Variants in PSTPIP1 observed in about 807,000 individuals in gnomAD.
PSTPIP1 encodes proline-serine-threonine phosphatase interacting protein 1, also known as proline-serine-threonine phosphatase-interacting protein 1.
A neutral mutation model predicts 69.6 loss-of-function variants in PSTPIP1; 66 were observed. The ratio of observed to expected loss-of-function variants is 0.95; its 90% CI spans 0.78 to 1.16. PSTPIP1 has a LOEUF of 1.16. Among genes scored for constraint, PSTPIP1 ranks in the 50% most tolerant of loss-of-function variants. PSTPIP1 has a pLI of 0.00. For missense variants in PSTPIP1, 603 were observed against 557.4 expected (o/e 1.08, Z -0.82); for synonymous variants, 266 against 222.7 (o/e 1.19, Z -1.73).
At chr15:77,025,669 G>A (rs1388367914) in intron 5 of PSTPIP1, 65 bp downstream of exon 5, 2 of 1,304,882 alleles carry the variant, frequency 1.5e-6, no homozygotes. Flanking sequence ...TGCTGTGGGG[G>A]TAGGGGGCTG....
At chr15:76,994,762 GT>G (rs2075537915), upstream of PSTPIP1, 1 of 1,289,140 alleles carries the variant, frequency 7.8e-7, no homozygotes, top group Non-Finnish European at 1.0e-6. Context: ...GCAGGACCTG[GT>G]TTGGGTCCCA....
chr15:77,030,550 A>AG lies in PSTPIP1; in HGVS notation c.612dup (p.Trp205ValfsTer10). Reference sequence around the variant, plus strand: ...GCGCAGCTGGAGAAGGTCCGGGCTGAGTGGGAGCAGGAGCACCGGACCACC... The same window carrying AG: ...GCGCAGCTGGAGAAGGTCCGGGCTGAGGTGGGAGCAGGAGCACCGGACCACC... On this transcript the variant is annotated frameshift_variant, in exon 9 of 15. Transcript: ENST00000558012. LOFTEE classifies it high-confidence loss of function. The AG allele has an allele frequency of 6.2e-7, 1 of 1,610,814 alleles. No individual in the cohort carries two copies. The highest frequency in any genetic ancestry group is 8.5e-7 in the Non-Finnish European group (1 of 1,178,150).
rs774891463 is a variant in PSTPIP1 at position 77,032,870 on chromosome 15, C to T, written c.847C>T (p.Pro283Ser). Reference sequence around the variant, plus strand: ...CGGCTTGCTGTCTGCAGCTCCGGTGCCCTACCAGAACTATTACGATCGGGA... The same window carrying T: ...CGGCTTGCTGTCTGCAGCTCCGGTGTCCTACCAGAACTATTACGATCGGGA... ...STGTEPPAPV[P>S]YQNYYDREVT... The change falls in exon 12 of 15, where the codon CCC (proline) becomes TCC (serine). Residue 283 changes from proline to serine, a missense_variant. Transcript: ENST00000558012. The T allele has an allele frequency of 1.3e-5, 21 of 1,588,396 alleles. No individual in the cohort carries two copies. Among genetic ancestry groups the T allele is most frequent in the Non-Finnish European group, 1.6e-5 (19 of 1,167,814 alleles).
intron 2 of PSTPIP1, 72 bp downstream of exon 2, chr15:77,018,320 G>A: frequency 6.5e-7 from 1 of 1,537,440 alleles, no homozygotes. Context: ...CTGGGACAGT[G>A]GACGAGGCCC....
At position 76,995,168 on chromosome 15, in the gene PSTPIP1, G is replaced by A. The variant is rs1373404848; in HGVS notation, c.-406G>A. ...CCTCGGGCTGCCTGCCTGCCTGCCT[G>A]CCTGGCCCGGCCCGAGCTCCAGCCT... On this transcript the variant is annotated 5_prime_UTR_variant, in exon 1 of 15. Transcript: ENST00000558012. 5.9e-6 allele frequency: 7 copies of A among 1,191,590 alleles called. No individual in the cohort carries two copies. The East Asian group carries it at 2.7e-4, about 47-fold the overall frequency. 73.8% of individuals were successfully genotyped at this position (1,191,590 alleles called of 1,614,324 possible).
At chr15:76,996,646 G>T (rs555260265) in intron 1 of PSTPIP1, among the ~76,000 whole-genome samples, 1 of 152,360 alleles carries the variant, frequency 6.6e-6, no homozygotes, top group East Asian at 1.9e-4. Context: ...TGGGGCCTGT[G>T]GCCAGCGTGT....
At position 77,037,248 on chromosome 15, in the gene PSTPIP1, T is replaced by C. The variant is rs561014883; in HGVS notation, c.*72T>C. ...CAGTGCCCCCAGCACTGTCCCCACC[T>C]TGCTAGGGCCCAGAACCAAGCGTCC... On this transcript the variant is annotated 3_prime_UTR_variant, in exon 15 of 15. Coordinates refer to ENST00000558012, the MANE Select transcript of PSTPIP1 (RefSeq NM_003978.5). 1 of 1,531,046 alleles carries C rather than the reference T, an allele frequency of 6.5e-7. No homozygotes were observed. 94.8% of individuals were successfully genotyped at this position (1,531,046 alleles called of 1,614,324 possible). A position where few individuals can be genotyped will look rare whatever the true frequency, so the allele number is the denominator to read the frequency against.
In PSTPIP1 at chr15:76,995,256, C is replaced by T; in HGVS notation, c.-318C>T. ...GCATCCCTGCTCCCTGCCCTGGGTC[C>T]CAGACTGTGTCCTCCATCACCGCAG... On this transcript the variant is annotated 5_prime_UTR_variant, in exon 1 of 15. Coordinates refer to ENST00000558012, the MANE Select transcript of PSTPIP1 (RefSeq NM_003978.5). 7.8e-7 allele frequency: 1 copy of T among 1,289,748 alleles called. No individual in the cohort carries two copies. Among genetic ancestry groups the T allele is most frequent in the Non-Finnish European group, 9.9e-7 (1 of 1,007,918 alleles). 79.9% of individuals were successfully genotyped at this position (1,289,748 alleles called of 1,614,324 possible).
In PSTPIP1 at chr15:77,037,405, G is replaced by A. The variant is rs2076607655; in HGVS notation, c.*229G>A. The A allele has an allele frequency of 6.4e-6, 3 of 466,282 alleles. No individual in the cohort carries two copies. Among genetic ancestry groups the A allele is most frequent in the Admixed American group, 3.5e-5 (1 of 28,212 alleles). The allele number at this position is 466,282 out of a possible 1,614,324, so 28.9% of individuals were successfully genotyped here. ...GAGTGCTCAGTTCAGAGGAGGCAAA[G>A]GAACAAGGGAAGGAGCCTGGATGTG... On this transcript the variant is annotated 3_prime_UTR_variant, in exon 15 of 15. Transcript: ENST00000558012.
chr15:77,024,348 T>G (rs536982840), intron 3 of PSTPIP1: 3 of 152,480 alleles, frequency 2.0e-5, no homozygotes, highest in Admixed American at 6.5e-5. Flanking sequence ...CTGCTCCTCC[T>G]TGGCCTCTGC....
At chr15:77,032,210 C>T (rs961382864) in intron 10 of PSTPIP1, 88 bp from the exon 11 acceptor site, 54 of 1,356,966 alleles carry the variant, frequency 4.0e-5, no homozygotes, top group African/African-American at 1.2e-4. Context: ...GTGAGGAGGC[C>T]GGTGGGTGGG....
In PSTPIP1 at chr15:77,035,844, G is replaced by A; in HGVS notation, c.1028G>A (p.Gly343Asp). The A allele has an allele frequency of 6.2e-7, 1 of 1,610,544 alleles. No individual in the cohort carries two copies. The highest frequency in any genetic ancestry group is 8.5e-7 in the Non-Finnish European group (1 of 1,179,688). The change falls in exon 14 of 15, where the codon GGT (glycine) becomes GAT (aspartate). Residue 343 changes from glycine to aspartate, a missense_variant. By Grantham distance (94) the Gly-to-Asp change is moderately conservative (BLOSUM62 -1). Coordinates refer to ENST00000558012, the MANE Select transcript of PSTPIP1 (RefSeq NM_003978.5). ...ACCCCCACCCCCGAGCGGAATGAGG[G>A]TGTCTACACAGCCATCGCAGTGCAG... is the stretch of plus-strand genomic sequence containing the variant. ...TLTPTPERNE[G>D]VYTAIAVQEI...
rs2076337257 is a variant in PSTPIP1, at chr15:77,028,410, G to A, written c.418-144G>A. ...TTCTCTATCTCCTTCCGGACCCCCAGATCCCTGTCCCTGGTGAGGATGCCC... is the reference window on the plus strand; with the variant it reads ...TTCTCTATCTCCTTCCGGACCCCCAAATCCCTGTCCCTGGTGAGGATGCCC... On this transcript the variant is annotated intron_variant, in intron 6 of 14. Transcript: ENST00000558012. The A allele has an allele frequency of 4.8e-6, 3 of 627,536 alleles. No homozygotes were observed. The East Asian group carries it at 8.9e-5, about 19-fold the overall frequency. The allele number at this position is 627,536 out of a possible 1,614,324, so 38.9% of individuals were successfully genotyped here.
chr15:77,003,145 C>A (rs985819901), intron 1 of PSTPIP1, among the ~76,000 whole-genome samples: 6 of 152,164 alleles, frequency 3.9e-5, no homozygotes, highest in African/African-American at 1.2e-4. Flanking sequence ...GTGGCTGTTT[C>A]CTCTCATGCA....
intron 1 of PSTPIP1, among the ~76,000 whole-genome samples, chr15:77,015,441 G>C (rs975921908): frequency 3.3e-5 from 5 of 152,164 alleles, no homozygotes; most frequent in Non-Finnish European, 7.3e-5. Context: ...GGTGCAGTGT[G>C]TGCCAGGTAG....
intron 3 of PSTPIP1, 36 bp downstream of exon 3, chr15:77,018,567 C>A: frequency 1.3e-6 from 2 of 1,520,558 alleles, no homozygotes; most frequent in Non-Finnish European, 8.8e-7. Flanking sequence ...CACTCCTCTC[C>A]TCTGCTGGCA....
Position 77,027,816 on chromosome 15 carries a change from C to A in PSTPIP1, c.355-36C>A. 1.3e-6 allele frequency: 2 copies of A among 1,550,832 alleles called. No individual in the cohort carries two copies. The highest frequency in any genetic ancestry group is 1.2e-5 in the South Asian group (1 of 83,970). ...TTGGCCTAGGGGAGCCTCCCGAGGC[C>A]GCGGCCCTCGGCTCAGAACCTCGTG... On this transcript the variant is annotated intron_variant, in intron 5 of 14. Coordinates refer to ENST00000558012, the MANE Select transcript of PSTPIP1 (RefSeq NM_003978.5). The surrounding 1 kb of genome is among the most constrained non-coding windows in gnomAD (Gnocchi z 4.3).
intron 1 of PSTPIP1, among the ~76,000 whole-genome samples, chr15:77,013,946 A>G (rs2075997145): frequency 1.3e-5 from 2 of 151,512 alleles, no homozygotes; most frequent in African/African-American, 4.9e-5. Context: ...GGAGGTGATG[A>G]GGTGACTCAT....
In PSTPIP1 at chr15:77,031,163, C is replaced by T; in HGVS notation, c.643-17C>T. On this transcript the variant is annotated splice_polypyrimidine_tract_variant and intron_variant, in intron 9 of 14. Transcript: ENST00000558012. ...CAGCCGCCTCCTCACTGCTCACCTC[C>T]CTCCCACTGCCCCCAGGCCTTTCAG... 6.2e-7 allele frequency: 1 copy of T among 1,610,176 alleles called. No individual in the cohort carries two copies. Among genetic ancestry groups the T allele is most frequent in the Non-Finnish European group, 8.5e-7 (1 of 1,178,182 alleles).
Sources: gnomAD v4.1 joint callset for allele counts (sites outside exome capture counted in the v4.1 genomes callset) on GRCh38, gnomAD v4.1.1 for gene constraint, Gnocchi (gnomAD v3.1) non-coding constraint, MANE v1.5 for transcripts, NCBI Gene and HGNC (gene_info 2026-07-23, HGNC 2026-07-21) for gene names.